The following PCDH9 variants were observed in gnomAD, a reference collection of about 807,000 sequenced individuals.
The protein encoded by PCDH9 is protocadherin 9.
In PCDH9, 24 loss-of-function variants were observed where a neutral mutation model predicts 70.6. That is an observed-to-expected ratio of 0.34 (90% CI 0.25 to 0.48). PCDH9 has a LOEUF of 0.48. Among genes scored for constraint, PCDH9 ranks in the 20% least tolerant of loss-of-function variants. PCDH9 has a pLI of 0.99. For missense variants in PCDH9, 1,281 were observed against 1,503.6 expected (o/e 0.85, Z 2.45); for synonymous variants, 562 against 558.5 (o/e 1.01, Z -0.09).
At chr13:66,687,802 G>C (rs1304920781) in intron 3 of PCDH9, among the ~76,000 whole-genome samples, 1 of 152,010 alleles carries the variant, frequency 6.6e-6, no homozygotes, top group Non-Finnish European at 1.5e-5. Flanking sequence ...GCCCTCAACT[G>C]CTCCCCTTTT....
chr13:66,907,697 CT>C (rs1456251559), intron 2 of PCDH9, among the ~76,000 whole-genome samples: 1 of 152,102 alleles, frequency 6.6e-6, no homozygotes, highest in Non-Finnish European at 1.5e-5. Flanking sequence ...TATGGAAGAT[CT>C]TTTTATGAAA....
At chr13:67,216,717 T>TATATATATATATATATATAG (rs2089615000) in intron 2 of PCDH9, 1 of 145,290 alleles carries the variant, frequency 6.9e-6, no homozygotes, top group African/African-American at 2.5e-5. Flanking sequence ...TGGATATATA[T>TATATATATATATATATATAG]ACGGAAAAGA....
At chr13:66,561,118 A>G (rs764359082) in intron 4 of PCDH9, among the ~76,000 whole-genome samples, 15 of 152,188 alleles carry the variant, frequency 9.9e-5, no homozygotes, top group Non-Finnish European at 2.1e-4. Context: ...AGCCAGCGCG[A>G]GTTCCGGGTG....
rs550742136 is a variant in PCDH9, at chr13:66,518,648, A to G, written c.3340+112562T>C. Reference sequence around the variant, plus strand: ...TTATTTACACTCTAGGGATAAACCAATGAGAAAACGCCCGAGGTTTAGAAG... The same window carrying G: ...TTATTTACACTCTAGGGATAAACCAGTGAGAAAACGCCCGAGGTTTAGAAG... On this transcript the variant is annotated intron_variant, in intron 4 of 4. Transcript: ENST00000377865. 4.6e-5 allele frequency among the ~76,000 whole-genome samples: 7 copies of G among 152,242 alleles called. No homozygotes were observed. The South Asian group carries it at 1.2e-3, about 27-fold the overall frequency.
At chr13:66,452,470 A>G (rs1205225061) in intron 4 of PCDH9, among the ~76,000 whole-genome samples, 4 of 152,072 alleles carry the variant, frequency 2.6e-5, no homozygotes, top group African/African-American at 9.7e-5. Flanking sequence ...ATCCCCATTT[A>G]TAATATTTAT....
Position 66,871,319 on chromosome 13 carries a change from C to T in PCDH9, c.3138+32185G>A, listed in dbSNP as rs866543253. ...CAAGTTAATGGGTGCAGCACACCAGCATGGCACATGTATACATATGTAAAT... is the reference window on the plus strand; with the variant it reads ...CAAGTTAATGGGTGCAGCACACCAGTATGGCACATGTATACATATGTAAAT... On this transcript the variant is annotated intron_variant, in intron 3 of 4. Transcript: ENST00000377865. Among the ~76,000 whole-genome samples, 1,150 of 151,324 alleles carry T rather than the reference C, an allele frequency of 7.6e-3. 11 individuals carry two copies. Among genetic ancestry groups the T allele is most frequent in the African/African-American group, 0.026 (1,069 of 41,136 alleles).
chr13:67,032,165 G>A (rs975977541), intron 2 of PCDH9, among the ~76,000 whole-genome samples: 1 of 151,896 alleles, frequency 6.6e-6, no homozygotes, highest in African/African-American at 2.4e-5. Flanking sequence ...GGGGGTGAGG[G>A]AAGGGCCTTA....
chr13:66,589,121 C>T (rs998112296), intron 4 of PCDH9, among the ~76,000 whole-genome samples: 2 of 152,010 alleles, frequency 1.3e-5, no homozygotes, highest in Admixed American at 1.3e-4. Context: ...ATTCTTTAAA[C>T]CCAACTAATT....
In PCDH9 at chr13:66,888,132, T is replaced by G. The variant is rs936553758; in HGVS notation, c.3138+15372A>C. Among the ~76,000 whole-genome samples, 10 of 152,282 alleles carry G rather than the reference T, an allele frequency of 6.6e-5. No homozygotes were observed. In the East Asian group the frequency reaches 1.9e-3, roughly 29 times the overall value. ...TCTCAGTGAGAGTGAAATGGGAAAT[T>G]GGCTAATCAAAATTGCCATTCTCAT... On this transcript the variant is annotated intron_variant, in intron 3 of 4. Transcript: ENST00000377865.
intron 3 of PCDH9, among the ~76,000 whole-genome samples, chr13:66,723,982 A>G (rs1465448357): frequency 1.3e-5 from 2 of 152,230 alleles, no homozygotes; most frequent in Non-Finnish European, 2.9e-5. Context: ...CTTTAAAAGC[A>G]AGCTACAAAA....
chr13:66,959,212 T>TA (rs2083307492), intron 2 of PCDH9, among the ~76,000 whole-genome samples: 1 of 152,134 alleles, frequency 6.6e-6, no homozygotes, highest in Admixed American at 6.5e-5. Flanking sequence ...ATGAAGCACA[T>TA]ATAAGAGATG....
At chr13:66,720,418 C>A (rs1356393664) in intron 3 of PCDH9, among the ~76,000 whole-genome samples, 1 of 151,218 alleles carries the variant, frequency 6.6e-6, no homozygotes, top group Non-Finnish European at 1.5e-5. Flanking sequence ...CTGCCTCGGC[C>A]TTCCAAAGTG....
chr13:67,156,393 T>A (rs561407421), intron 2 of PCDH9, among the ~76,000 whole-genome samples: 233 of 151,798 alleles, frequency 1.5e-3, no homozygotes, highest in African/African-American at 5.5e-3. Context: ...GGCACAAGCA[T>A]CTGGATGGCG....
At chr13:66,765,084 C>CGCTT (rs2079693109) in intron 3 of PCDH9, among the ~76,000 whole-genome samples, 1 of 151,230 alleles carries the variant, frequency 6.6e-6, no homozygotes. Flanking sequence ...CTGTCTGTCT[C>CGCTT]TCTCTCTCTC....
intron 4 of PCDH9, among the ~76,000 whole-genome samples, chr13:66,385,047 C>T (rs757310602): frequency 4.6e-5 from 7 of 152,150 alleles, no homozygotes; most frequent in Non-Finnish European, 1.0e-4. Flanking sequence ...CTGGTAATCA[C>T]TGCTTTATTC....
At chr13:66,485,915 AT>A (rs1305518072) in intron 4 of PCDH9, among the ~76,000 whole-genome samples, 1 of 151,774 alleles carries the variant, frequency 6.6e-6, no homozygotes, top group African/African-American at 2.4e-5. Flanking sequence ...TTTGCTAGAG[AT>A]GGGGTTTCAC....
chr13:66,944,822 T>TGC (rs2083062118), intron 2 of PCDH9, among the ~76,000 whole-genome samples: 1 of 142,204 alleles, frequency 7.0e-6, no homozygotes, highest in African/African-American at 2.7e-5. Context: ...CGTCTCTGTG[T>TGC]GTGTGTGTGT....
chr13:66,703,061 A>G (rs1010589158), intron 3 of PCDH9, among the ~76,000 whole-genome samples: 2 of 152,204 alleles, frequency 1.3e-5, no homozygotes, highest in Non-Finnish European at 1.5e-5. Flanking sequence ...GAAATTTGTA[A>G]TAAACCATAA....
chr13:67,227,169 A>G lies in PCDH9; in HGVS notation c.1272T>C (p.Ser424=). The G allele has an allele frequency of 6.2e-7, 1 of 1,613,494 alleles. No individual in the cohort carries two copies. Among genetic ancestry groups the G allele is most frequent in the Non-Finnish European group, 8.5e-7 (1 of 1,179,378 alleles). ...VYDNQYLLET[S]SLLDYEGTKE... ...TGGTGCCCTCATAGTCCAACAAAGA[A>G]GAGGTCTCTAACAAATATTGGTTGT... Residue 424 remains serine, a synonymous_variant, in exon 2 of 5, where the codon TCT becomes TCC. Transcript: ENST00000377865. The surrounding 1 kb of genome is among the most constrained non-coding windows in gnomAD (Gnocchi z 4.6).
Sources: gnomAD v4.1 joint callset for allele counts (sites outside exome capture counted in the v4.1 genomes callset) on GRCh38, gnomAD v4.1.1 for gene constraint, Gnocchi (gnomAD v3.1) non-coding constraint, MANE v1.5 for transcripts, NCBI Gene and HGNC (gene_info 2026-07-23, HGNC 2026-07-21) for gene names.